The following SLC12A5 variants were observed in gnomAD, a reference collection of about 807,000 sequenced individuals.
SLC12A5 encodes solute carrier family 12 member 5.
Under a neutral mutation model 124.0 loss-of-function variants are expected in SLC12A5, and 18 were observed. That is an observed-to-expected ratio of 0.15 (90% confidence interval 0.10 to 0.22). The LOEUF (loss-of-function observed/expected upper bound fraction) is 0.22, where lower values mean the gene tolerates loss of function less well. SLC12A5 is among the 10% of genes least tolerant of loss of function. The pLI, the probability that SLC12A5 is intolerant of heterozygous loss-of-function variation, is 1.00. For missense variants in SLC12A5, 867 were observed against 1,478.7 expected, an observed-to-expected ratio of 0.59 and a Z score of 6.78; for synonymous variants, 589 against 568.0, an observed-to-expected ratio of 1.04 and a Z score of -0.53.
intron 1 of SLC12A5, chr20:46,021,942 C>T (rs1341839399): frequency 1.4e-6 from 2 of 1,439,754 alleles, no homozygotes; most frequent in Non-Finnish European, 1.8e-6. Flanking sequence ...GGGGGAGGGG[C>T]CGGGGCGGAC....
In SLC12A5 at chr20:46,057,175, A is replaced by G. The variant is rs529949253; in HGVS notation, c.3131A>G (p.Gln1044Arg). 6.2e-7 allele frequency: 1 copy of G among 1,614,128 alleles called. No individual in the cohort carries two copies. The highest frequency in any genetic ancestry group is 1.3e-5 in the African/African-American group (1 of 75,050). Residue 1044 changes from glutamine (Q) to arginine (R), a missense_variant, in exon 25 of 26, where the codon CAG (glutamine) becomes CGG (arginine). Physicochemically the swap from Gln to Arg is conservative, Grantham distance 43. Coordinates refer to ENST00000243964, the MANE Select transcript of SLC12A5 (RefSeq NM_020708.5). The surrounding 1 kb of genome is among the most constrained non-coding windows in gnomAD (Gnocchi z 7.1). Reference protein sequence around the residue: ...SMKPEWENLNQSNVRRMHTAV... With the variant: ...SMKPEWENLNRSNVRRMHTAV... ...ACTCCTCCTTCCTGCCGCAGGAACC[A>G]GTCCAACGTGCGGCGCATGCACACG...
In SLC12A5 at chr20:46,040,579, G is replaced by A. The variant is rs1041444628; in HGVS notation, c.819G>A (p.Gly273=). Residue 273 remains glycine, a synonymous_variant, in exon 7 of 26, where the codon GGG becomes GGA. Coordinates refer to ENST00000243964, the MANE Select transcript of SLC12A5 (RefSeq NM_020708.5). ...TCTCCATCCTGGCCATCTATGCTGG[G>A]GTCATCAAGTCTGCCTTCGACCCAC... ...VILSILAIYA[G]VIKSAFDPPN... 6.2e-7 allele frequency: 1 copy of A among 1,614,002 alleles called. No homozygotes were observed. Among genetic ancestry groups the A allele is most frequent in the Non-Finnish European group, 8.5e-7 (1 of 1,180,034 alleles).
chr20:46,034,315 G>C (rs2084478568), intron 1 of SLC12A5, among the ~76,000 whole-genome samples: 1 of 152,184 alleles, frequency 6.6e-6, no homozygotes, highest in Non-Finnish European at 1.5e-5. Flanking sequence ...TGCCTCTCCT[G>C]TGTCCCAGTC....
At chr20:46,032,394 GACCCAGCTCCATAGGAGAC>G (rs2084461965) in intron 1 of SLC12A5, among the ~76,000 whole-genome samples, 1 of 152,362 alleles carries the variant, frequency 6.6e-6, no homozygotes, top group Admixed American at 6.5e-5. Flanking sequence ...CGGGGAAATG[GACCCAGCTCCATAGGAGAC>G]AGGACCCCAA....
chr20:46,049,489 G>A, intron 16 of SLC12A5, 133 bp from the exon 17 acceptor site: 1 of 1,119,022 alleles, frequency 8.9e-7, no homozygotes, highest in Non-Finnish European at 1.3e-6. Flanking sequence ...GAATGGATGG[G>A]TGGTGAGGGG....
chr20:46,040,283 C>G (rs1203923899), intron 6 of SLC12A5, 90 bp from the exon 7 acceptor site: 1 of 1,552,850 alleles, frequency 6.4e-7, no homozygotes, highest in African/African-American at 1.3e-5. Flanking sequence ...TGTGACTGTG[C>G]TGTGATGAGC....
chr20:46,032,134 C>A (rs900724018), intron 1 of SLC12A5, among the ~76,000 whole-genome samples: 7 of 152,206 alleles, frequency 4.6e-5, no homozygotes, highest in African/African-American at 1.4e-4. Context: ...CTCCGCGCTG[C>A]GCGCCGCGTT....
In SLC12A5 at chr20:46,037,371, A is replaced by G. The variant is rs1330496933; in HGVS notation, c.598A>G (p.Ile200Val). The G allele has an allele frequency of 1.2e-6, 2 of 1,609,982 alleles. No homozygotes were observed. Among genetic ancestry groups the G allele is most frequent in the East Asian group, 2.2e-5 (1 of 44,660 alleles). ...FAGAMYILGT[I>V]EILLAYLFPA... is the part of the protein sequence containing the mutation. ...AGGAGCCATGTACATCCTGGGCACC[A>G]TCGAAATCCTGCTGGTAAGAGAGGC... The change falls in exon 6 of 26, where the codon ATC becomes GTC. Residue 200 changes from isoleucine (I) to valine (V), a missense_variant. Ile to Val is a conservative substitution (Grantham distance 29, BLOSUM62 3). This residue lies in a region of SLC12A5 where 126 missense variants were observed against 291.6 expected (regional missense o/e 0.43). Coordinates refer to ENST00000243964, the MANE Select transcript of SLC12A5 (RefSeq NM_020708.5).
exon 3 of SLC12A5, chr20:46,023,528 G>A (rs377389278): frequency 8.0e-5 from 32 of 398,586 alleles, no homozygotes; most frequent in East Asian, 7.1e-4. Flanking sequence ...TCCTTCCCTA[G>A]CCCTCCTCCA....
rs1203908091 is a variant in SLC12A5 at position 46,049,644 on chromosome 20, C to T, written c.2035C>T (p.Arg679Cys). ...CAGGCCACAGCTGCTGGTGCTGGTGCGTGTGGACCAAGACCAGAATGTGGT... is the reference window on the plus strand; with the variant it reads ...CAGGCCACAGCTGCTGGTGCTGGTGTGTGTGGACCAAGACCAGAATGTGGT... ...NWRPQLLVLV[R>C]VDQDQNVVHP... Residue 679 changes from arginine to cysteine, a missense_variant, in exon 17 of 26, where the codon CGT becomes TGT. Coordinates refer to ENST00000243964, the MANE Select transcript of SLC12A5 (RefSeq NM_020708.5). 5 of 1,605,152 alleles carry T rather than the reference C, an allele frequency of 3.1e-6. No individual in the cohort carries two copies. Among genetic ancestry groups the T allele is most frequent in the Admixed American group, 1.7e-5 (1 of 58,710 alleles).
At position 46,057,066 on chromosome 20, in the gene SLC12A5, A is replaced by G; in HGVS notation, c.3126-104A>G. 1.3e-5 allele frequency: 20 copies of G among 1,593,010 alleles called. No homozygotes were observed. In the South Asian group the frequency reaches 2.2e-4, roughly 18 times the overall value. ...TTAGGATTGGTGGTCCTAGGCTTGC[A>G]AGAACCAGTCCCCAGCAGCCCAGTT... On this transcript the variant is annotated intron_variant, in intron 24 of 25. Coordinates refer to ENST00000243964, the MANE Select transcript of SLC12A5 (RefSeq NM_020708.5). The surrounding 1 kb of genome is among the most constrained non-coding windows in gnomAD (Gnocchi z 7.1).
intron 8 of SLC12A5, among the ~76,000 whole-genome samples, chr20:46,042,174 G>A (rs2084553919): frequency 6.6e-6 from 1 of 152,224 alleles, no homozygotes; most frequent in Admixed American, 6.5e-5. Context: ...TGTAGGAGAG[G>A]CTGGCATGAG....
intron 14 of SLC12A5, 56 bp from the exon 15 acceptor site, chr20:46,047,398 A>G: frequency 6.3e-7 from 1 of 1,593,872 alleles, no homozygotes. Flanking sequence ...TCTAAGTCCC[A>G]GCTTCAGCAA....
intron 2 of SLC12A5, 164 bp from the exon 3 acceptor site, chr20:46,035,239 AC>A (rs1338081900): frequency 9.9e-7 from 1 of 1,013,594 alleles, no homozygotes; most frequent in Admixed American, 2.1e-5. Flanking sequence ...TCCTCATCCT[AC>A]CATTCTTACC....
In SLC12A5 at chr20:46,049,749, A is replaced by T; in HGVS notation, c.2140A>T (p.Thr714Ser). Residue 714 changes from threonine (T) to serine (S), a missense_variant, in exon 17 of 26, where the codon ACC becomes TCC. Thr to Ser is a moderately conservative substitution (Grantham distance 58, BLOSUM62 1). Transcript: ENST00000243964. The part of the protein sequence containing the change: ...LTIVGSVLEG[T>S]FLENHPQAQR... ...CATCGTGGGCTCTGTCCTTGAGGGCACCTTTCTGGAAAATCATCCACAGGC... is the reference window on the plus strand; with the variant it reads ...CATCGTGGGCTCTGTCCTTGAGGGCTCCTTTCTGGAAAATCATCCACAGGC... 6.2e-7 allele frequency: 1 copy of T among 1,602,452 alleles called. No individual in the cohort carries two copies. Among genetic ancestry groups the T allele is most frequent in the Non-Finnish European group, 8.5e-7 (1 of 1,175,236 alleles).
At chr20:46,039,137 G>A (rs1436832371) in intron 6 of SLC12A5, among the ~76,000 whole-genome samples, 1 of 152,134 alleles carries the variant, frequency 6.6e-6, no homozygotes, top group African/African-American at 2.4e-5. Context: ...TTCTGTCTAT[G>A]TAAAATATAA....
Position 46,056,563 on chromosome 20 carries a change from C to A in SLC12A5, c.3109C>A (p.Pro1037Thr). 6.2e-7 allele frequency: 1 copy of A among 1,613,370 alleles called. No individual in the cohort carries two copies. The highest frequency in any genetic ancestry group is 1.1e-5 in the South Asian group (1 of 90,974). The change falls in exon 23 of 26, where the codon CCG (proline) becomes ACG (threonine). Residue 1037 changes from proline to threonine, a missense_variant and splice_region_variant. Transcript: ENST00000243964. This position sits in a 1 kb window ranked among gnomAD's most constrained non-coding sequence, Gnocchi z 4.3. ...CATCAAGGACTTCTTCAGCATGAAG[C>A]CGTACGGGCCTGGGGGCTAAGGGCT... ...EGIKDFFSMKPEWENLNQSNV... is the reference protein window; with the variant it reads ...EGIKDFFSMKTEWENLNQSNV...
Position 46,058,314 on chromosome 20 carries a change from GCCTCGTTC to G in SLC12A5, c.*715_*722del. On this transcript the variant is annotated 3_prime_UTR_variant, in exon 26 of 26. Coordinates refer to ENST00000243964, the MANE Select transcript of SLC12A5 (RefSeq NM_020708.5). The surrounding 1 kb of genome is among the most constrained non-coding windows in gnomAD (Gnocchi z 5.8). ...GCTTTAGGCCCAGGCGGGGGTCGTG[GCCTCGTTC>G]CCTCGACACCTCCGTCCTGCTCTCG... 1 of 397,600 alleles carries G rather than the reference GCCTCGTTC, an allele frequency of 2.5e-6. No homozygotes were observed. Among genetic ancestry groups the G allele is most frequent in the Non-Finnish European group, 4.4e-6 (1 of 225,744 alleles). The allele number at this position is 397,600 out of a possible 1,614,324, so 24.6% of individuals were successfully genotyped here.
chr20:46,021,992 A>T, intron 1 of SLC12A5: 1 of 1,232,904 alleles, frequency 8.1e-7, no homozygotes, highest in Non-Finnish European at 1.1e-6. Flanking sequence ...GGGGGCGGGG[A>T]GGGGTCCCAG....
Sources: allele counts gnomAD v4.1 joint callset (sites outside exome capture counted in the v4.1 genomes callset), GRCh38; gene constraint gnomAD v4.1.1; regional missense constraint gnomAD v4.1.1; non-coding constraint Gnocchi (gnomAD v3.1); transcripts MANE v1.5; gene names NCBI Gene and HGNC (gene_info 2026-07-23, HGNC 2026-07-21).